PEX2: variants seen among roughly 807,000 people sequenced by gnomAD.
PEX2 encodes peroxisomal biogenesis factor 2.
A neutral mutation model predicts 25.2 loss-of-function variants in PEX2; 19 were observed. The ratio of observed to expected loss-of-function variants is 0.75; its 90% CI spans 0.53 to 1.10. PEX2 has a LOEUF of 1.10. Among genes scored for constraint, PEX2 ranks in the 50% least tolerant of loss-of-function variants. The pLI, the probability that PEX2 is intolerant of heterozygous loss-of-function variation, is 0.00. For missense variants in PEX2, 347 were observed against 350.6 expected, an observed-to-expected ratio of 0.99 and a Z score of 0.08; for synonymous variants, 141 against 127.7, an observed-to-expected ratio of 1.10 and a Z score of -0.70.
intron 1 of PEX2, among the ~76,000 whole-genome samples, chr8:76,992,659 T>C (rs1001039736): frequency 1.3e-5 from 2 of 152,194 alleles, no homozygotes; most frequent in Non-Finnish European, 2.9e-5. Flanking sequence ...ATTCCCAATA[T>C]AGTGTAAGCA....
At position 76,980,322 on chromosome 8, in the gene PEX2, A is replaced by C. The variant is rs1806777636; in HGVS notation, c.*2939T>G. The C allele has an allele frequency of 6.6e-6, 1 of 152,238 alleles. No homozygotes were observed. The highest frequency in any genetic ancestry group is 1.5e-5 in the Non-Finnish European group (1 of 68,040). 9.4% of individuals were successfully genotyped at this position (152,238 alleles called of 1,614,324 possible). A position where few individuals can be genotyped will look rare whatever the true frequency, so the allele number is the denominator to read the frequency against. ...AATCTGCAATGTTAAAGAATCATCC[A>C]GTTACTTATGAATGTCCTTATCAAG... is the stretch of plus-strand genomic sequence containing the variant. On this transcript the variant is annotated 3_prime_UTR_variant, in exon 4 of 4. Coordinates refer to ENST00000357039, the MANE Select transcript of PEX2 (RefSeq NM_000318.3).
chr8:76,985,490 A>G (rs1297572371), intron 3 of PEX2, among the ~76,000 whole-genome samples: 1 of 152,200 alleles, frequency 6.6e-6, no homozygotes, highest in Non-Finnish European at 1.5e-5. Context: ...GTAAGTAACT[A>G]CGGGTGGTGA....
At chr8:76,999,223 C>T (rs949348409) in intron 1 of PEX2, among the ~76,000 whole-genome samples, 1 of 152,090 alleles carries the variant, frequency 6.6e-6, no homozygotes, top group Non-Finnish European at 1.5e-5. Flanking sequence ...TTGTCCGAAA[C>T]GTCAAGATAA....
chr8:76,996,866 T>A (rs1343007916), intron 1 of PEX2, among the ~76,000 whole-genome samples: 1 of 152,164 alleles, frequency 6.6e-6, no homozygotes, highest in Non-Finnish European at 1.5e-5. Flanking sequence ...AAGATAAAAA[T>A]TAAGGCTTGA....
rs199874465 is a variant in PEX2 at position 76,983,410 on chromosome 8, T to A, written c.769A>T (p.Ile257Leu). 3.7e-6 allele frequency: 6 copies of A among 1,613,806 alleles called. No individual in the cohort carries two copies. In the South Asian group the frequency reaches 5.5e-5, roughly 15 times the overall value. Reference sequence around the variant, plus strand: ...TAACAGAAAATATGCTCACATCCTATGGTGTGAGGCATGGTGGGCCACTCT... The same window carrying A: ...TAACAGAAAATATGCTCACATCCTAAGGTGTGAGGCATGGTGGGCCACTCT... ...CGEWPTMPHTIGCEHIFCYFC... is the reference protein window; with the variant it reads ...CGEWPTMPHTLGCEHIFCYFC... The change falls in exon 4 of 4, where the codon ATA becomes TTA. Residue 257 changes from isoleucine (I) to leucine (L), a missense_variant. Physicochemically the swap from Ile to Leu is conservative, Grantham distance 5 (BLOSUM62 2). Coordinates refer to ENST00000357039, the MANE Select transcript of PEX2 (RefSeq NM_000318.3).
chr8:76,988,008 C>T (rs1456000108), intron 2 of PEX2: 1 of 152,160 alleles, frequency 6.6e-6, no homozygotes, highest in Non-Finnish European at 1.5e-5. Context: ...TAAAACTAAT[C>T]TATTTTAAAT....
Position 76,987,181 on chromosome 8 carries a change from G to A in PEX2, c.-127-885C>T, listed in dbSNP as rs929097618. ...CAACCCTTGTGGAGGGTTGTGGAAC[G>A]AGAGAGAAAAGTAAAGGTGTGCTAT... On this transcript the variant is annotated intron_variant, in intron 2 of 3. Transcript: ENST00000357039. Among the ~76,000 whole-genome samples, 3 of 152,176 alleles carry A rather than the reference G, an allele frequency of 2.0e-5. No individual in the cohort carries two copies. In the East Asian group the frequency reaches 5.8e-4, roughly 29 times the overall value.
intron 1 of PEX2, among the ~76,000 whole-genome samples, chr8:76,996,322 CAA>C (rs1349055547): frequency 6.6e-6 from 1 of 152,122 alleles, no homozygotes; most frequent in Non-Finnish European, 1.5e-5. Flanking sequence ...AATTGAGGTG[CAA>C]AGAGATTAGA....
Position 76,982,649 on chromosome 8 carries a change from A to G in PEX2, c.*612T>C. ...ACACAGTGAACCCCATCTCTACTAA[A>G]AATACAAAAATTACCCGGGCATGGT... On this transcript the variant is annotated 3_prime_UTR_variant, in exon 4 of 4. Coordinates refer to ENST00000357039, the MANE Select transcript of PEX2 (RefSeq NM_000318.3). 6.5e-6 allele frequency: 1 copy of G among 154,208 alleles called. No individual in the cohort carries two copies. The highest frequency in any genetic ancestry group is 1.4e-5 in the Non-Finnish European group (1 of 69,530). 9.6% of individuals were successfully genotyped at this position (154,208 alleles called of 1,614,324 possible).
Position 76,983,845 on chromosome 8 carries a change from C to A in PEX2, c.334G>T (p.Gly112Cys). Residue 112 changes from glycine (G) to cysteine (C), a missense_variant, in exon 4 of 4, where the codon GGT becomes TGT. Transcript: ENST00000357039. ...QKIWYAVCTI[G>C]GRWLEERCYD... ...CATCGTTCTTCTAACCACCTGCCACCAATTGTACAAACAGCATACCAGATT... is the reference window on the plus strand; with the variant it reads ...CATCGTTCTTCTAACCACCTGCCACAAATTGTACAAACAGCATACCAGATT... 6.2e-7 allele frequency: 1 copy of A among 1,614,118 alleles called. No homozygotes were observed. The highest frequency in any genetic ancestry group is 8.5e-7 in the Non-Finnish European group (1 of 1,180,000).
intron 1 of PEX2, among the ~76,000 whole-genome samples, chr8:76,994,931 CAGAT>C (rs914558531): frequency 5.9e-5 from 9 of 152,126 alleles, no homozygotes; most frequent in African/African-American, 1.9e-4. Flanking sequence ...TTTGTGTAGT[CAGAT>C]AGATTTACTG....
chr8:76,992,507 G>A (rs1316052785), intron 1 of PEX2, among the ~76,000 whole-genome samples: 1 of 152,140 alleles, frequency 6.6e-6, no homozygotes, highest in Non-Finnish European at 1.5e-5. Context: ...CAAAGGAGTA[G>A]AAGAAAATGA....
At position 76,983,481 on chromosome 8, in the gene PEX2, C is replaced by A. The variant is rs200868032; in HGVS notation, c.698G>T (p.Ser233Ile). 6.2e-7 allele frequency: 1 copy of A among 1,613,986 alleles called. No homozygotes were observed. The highest frequency in any genetic ancestry group is 1.3e-5 in the African/African-American group (1 of 74,916). Residue 233 changes from serine (S) to isoleucine (I), a missense_variant, in exon 4 of 4, where the codon AGT (serine) becomes ATT (isoleucine). Transcript: ENST00000357039. ...WCIPLTGAPN[S>I]DNTLATSGKE... is the part of the protein sequence containing the mutation. ...GCCACTGGTGGCTAATGTATTGTCA[C>A]TATTAGGTGCACCAGTAAGAGGAAT...
chr8:76,985,183 A>C (rs2132046384), intron 3 of PEX2, among the ~76,000 whole-genome samples: 1 of 152,186 alleles, frequency 6.6e-6, no homozygotes, highest in Non-Finnish European at 1.5e-5. Context: ...GACAAAAAAA[A>C]AAAAAAAATG....
chr8:76,990,149 G>A (rs901127259), intron 1 of PEX2, among the ~76,000 whole-genome samples: 2 of 152,080 alleles, frequency 1.3e-5, no homozygotes, highest in African/African-American at 4.8e-5. Context: ...TAAATCTCAC[G>A]AACCAACCTC....
chr8:76,998,941 A>G lies in PEX2; in HGVS notation c.-160+1049T>C, dbSNP rs6990515. Among the ~76,000 whole-genome samples, 513 of 150,848 alleles carry G rather than the reference A, an allele frequency of 3.4e-3. 6 individuals are homozygous for G. Among genetic ancestry groups the G allele is most frequent in the African/African-American group, 0.012 (479 of 41,202 alleles). ...AGTCTACTAGTCTAGTATTCGCTCT[A>G]TGTCCTGTTACTTCTATTTTTTTTT... On this transcript the variant is annotated intron_variant, in intron 1 of 3. Coordinates refer to ENST00000357039, the MANE Select transcript of PEX2 (RefSeq NM_000318.3).
intron 1 of PEX2, among the ~76,000 whole-genome samples, chr8:76,993,468 C>T (rs926304614): frequency 6.6e-6 from 1 of 152,066 alleles, no homozygotes; most frequent in African/African-American, 2.4e-5. Flanking sequence ...GTCAAAAATT[C>T]CCAGTGCTTT....
Position 76,983,048 on chromosome 8 carries a change from A to AT in PEX2, c.*212dup. On this transcript the variant is annotated 3_prime_UTR_variant, in exon 4 of 4. Transcript: ENST00000357039. ...TTCTTGACATTAAAAATTGAATGCA[A>AT]TGATTTAAAAAACATAATACATTAA... The AT allele has an allele frequency of 7.6e-7, 1 of 1,312,186 alleles. No homozygotes were observed. The highest frequency in any genetic ancestry group is 1.0e-6 in the Non-Finnish European group (1 of 1,001,198). The allele number at this position is 1,312,186 out of a possible 1,614,324, so 81.3% of individuals were successfully genotyped here.
chr8:76,989,005 A>T (rs766623970), intron 1 of PEX2, among the ~76,000 whole-genome samples: 1 of 40,492 alleles, frequency 2.5e-5, no homozygotes, highest in African/African-American at 7.2e-5. Flanking sequence ...CTCTACAAAA[A>T]CTAAAAAAAA....
Sources: allele counts gnomAD v4.1 joint callset (sites outside exome capture counted in the v4.1 genomes callset), GRCh38; gene constraint gnomAD v4.1.1; transcripts MANE v1.5; gene names NCBI Gene and HGNC (gene_info 2026-07-23, HGNC 2026-07-21).